The following PTPN2 variants were observed in gnomAD, a reference collection of about 807,000 sequenced individuals.
The protein encoded by PTPN2 is protein tyrosine phosphatase non-receptor type 2.
In PTPN2, 19 loss-of-function variants were observed where a neutral mutation model predicts 57.3. The observed-to-expected ratio is 0.33, with a 90% CI of 0.23 to 0.49. The LOEUF (loss-of-function observed/expected upper bound fraction) is 0.49, where lower values mean the gene tolerates loss of function less well. PTPN2 is among the 20% of genes least tolerant of loss of function. The pLI is 0.99. For synonymous variants in PTPN2, 153 were observed against 164.9 expected (o/e 0.93, Z 0.55); for missense variants, 358 against 501.1 (o/e 0.71, Z 2.73).
chr18:12,852,329 A>G (rs548261489), intron 2 of PTPN2, among the ~76,000 whole-genome samples: 10 of 152,244 alleles, frequency 6.6e-5, no homozygotes, highest in African/African-American at 2.2e-4. Flanking sequence ...CTGTACTGCA[A>G]ATAGGAAGAT....
intron 1 of PTPN2, among the ~76,000 whole-genome samples, chr18:12,873,570 G>A (rs1476545719): frequency 3.9e-5 from 6 of 152,200 alleles, no homozygotes; most frequent in African/African-American, 7.2e-5. Flanking sequence ...GATTGCAGAC[G>A]GTGTCTGGTT....
At chr18:12,865,438 TA>T (rs376422275) in intron 1 of PTPN2, among the ~76,000 whole-genome samples, 10,347 of 129,282 alleles carry the variant, frequency 0.08, 1,106 homozygotes, top group African/African-American at 0.26. Flanking sequence ...CTGTCTTTAT[TA>T]AAAAAAAAAA....
chr18:12,859,052 G>GA, intron 2 of PTPN2, 112 bp downstream of exon 2: 2 of 663,426 alleles, frequency 3.0e-6, no homozygotes, highest in Middle Eastern at 2.5e-4. Context: ...ACGTAAATAG[G>GA]AAAAAAATTA....
chr18:12,858,550 A>G (rs1344991023), intron 2 of PTPN2, among the ~76,000 whole-genome samples: 1 of 33,884 alleles, frequency 3.0e-5, no homozygotes, highest in East Asian at 7.9e-4. Flanking sequence ...AGCAATTAAA[A>G]ATTGTTTATA....
chr18:12,872,195 G>A (rs2044291291), intron 1 of PTPN2: 1 of 152,164 alleles, frequency 6.6e-6, no homozygotes, highest in Non-Finnish European at 1.5e-5. Context: ...TGGGACTAGA[G>A]GGGTACAAAC....
intron 1 of PTPN2, 86 bp from the exon 2 acceptor site, chr18:12,859,340 A>C: frequency 1.1e-6 from 1 of 897,726 alleles, no homozygotes; most frequent in Non-Finnish European, 1.7e-6. Context: ...AAATAACATG[A>C]AGCACTTATG....
chr18:12,791,742 T>C (rs1363014030), downstream of PTPN2, among the ~76,000 whole-genome samples: 1 of 152,064 alleles, frequency 6.6e-6, no homozygotes, highest in African/African-American at 2.4e-5. Context: ...TCACACTGAA[T>C]GTGGTTTTAA....
At chr18:12,869,324 A>T (rs1432766032) in intron 1 of PTPN2, among the ~76,000 whole-genome samples, 1 of 152,162 alleles carries the variant, frequency 6.6e-6, no homozygotes, top group Non-Finnish European at 1.5e-5. Context: ...CTGCAGGCAC[A>T]CCACCATGCC....
chr18:12,824,832 C>T (rs641499), intron 5 of PTPN2, among the ~76,000 whole-genome samples: 145,911 of 152,226 alleles, frequency 0.96, 70,245 homozygotes, highest in East Asian at 1. Flanking sequence ...ATGACTGTAA[C>T]CTCAACACTT....
At chr18:12,837,405 T>C (rs1467952021) in intron 2 of PTPN2, among the ~76,000 whole-genome samples, 2 of 152,198 alleles carry the variant, frequency 1.3e-5, no homozygotes, top group Non-Finnish European at 2.9e-5. Flanking sequence ...TTAAAGACAG[T>C]TGGAATATTC....
chr18:12,815,540 G>A (rs1412940971), intron 6 of PTPN2, among the ~76,000 whole-genome samples: 1 of 152,130 alleles, frequency 6.6e-6, no homozygotes, highest in Non-Finnish European at 1.5e-5. Flanking sequence ...CTGACCTAGT[G>A]TTAGAATCCC....
chr18:12,840,328 G>T lies in PTPN2; in HGVS notation c.161-3437C>A, dbSNP rs186298462. On this transcript the variant is annotated intron_variant, in intron 2 of 8. Transcript: ENST00000309660. ...TATTATGCATTCTCTCTCATAAATC[G>T]AGCAATGAACCAAAAACAAAGCTGG... 6.8e-4 allele frequency among the ~76,000 whole-genome samples: 104 copies of T among 152,228 alleles called. 2 individuals are homozygous for T. Among genetic ancestry groups the T allele is most frequent in the Admixed American group, 6.8e-3 (104 of 15,284 alleles).
At chr18:12,799,013 A>C (rs572180595) in intron 8 of PTPN2, among the ~76,000 whole-genome samples, 8 of 152,304 alleles carry the variant, frequency 5.3e-5, no homozygotes, top group Non-Finnish European at 1.2e-4. Context: ...AAACTTCACG[A>C]CTATGTGATT....
intron 1 of PTPN2, among the ~76,000 whole-genome samples, chr18:12,872,946 C>A (rs576634532): frequency 7.2e-5 from 11 of 152,146 alleles, no homozygotes; most frequent in Non-Finnish European, 1.3e-4. Flanking sequence ...ACAGGCTGGA[C>A]GCGGTGGCTC....
rs2041574097 is a variant in PTPN2 at position 12,804,634 on chromosome 18, G to A, written c.859-2483C>T. The stretch of plus-strand genomic sequence containing the variant: ...GTATGCCAACAAATTGAAAAGCCTA[G>A]AGGAAATGGCTAAATTCTTAGACAC... On this transcript the variant is annotated intron_variant, in intron 7 of 8. Coordinates refer to ENST00000309660, the MANE Select transcript of PTPN2 (RefSeq NM_002828.4). Among the ~76,000 whole-genome samples the A allele has an allele frequency of 4.6e-5, 7 of 152,184 alleles. No homozygotes were observed. In the South Asian group the frequency reaches 1.0e-3, roughly 23 times the overall value.
At chr18:12,785,840 T>C (rs1184522700) in exon 10 of PTPN2, 1 of 1,609,458 alleles carries the variant, frequency 6.2e-7, no homozygotes, top group Non-Finnish European at 8.5e-7. Context: ...TCTGTCAATC[T>C]TGGCCTAAAA....
At chr18:12,827,343 A>C (rs895840016) in intron 4 of PTPN2, among the ~76,000 whole-genome samples, 3 of 95,294 alleles carry the variant, frequency 3.1e-5, no homozygotes, top group African/African-American at 7.8e-5. Flanking sequence ...ACTCCGTCTC[A>C]AAAAAAAAAA....
At chr18:12,882,340 T>TC (rs2145554384) in intron 1 of PTPN2, among the ~76,000 whole-genome samples, 1 of 152,346 alleles carries the variant, frequency 6.6e-6, no homozygotes, top group Admixed American at 6.5e-5. Flanking sequence ...TAGAAGGATT[T>TC]CCTTATCTTT....
At chr18:12,787,821 C>T (rs1472621810), downstream of PTPN2, 2 of 152,906 alleles carry the variant, frequency 1.3e-5, no homozygotes, top group African/African-American at 4.8e-5. Context: ...ATGAAACAAA[C>T]GTGGTGCTTT....
Sources: allele counts gnomAD v4.1 joint callset (sites outside exome capture counted in the v4.1 genomes callset), GRCh38; gene constraint gnomAD v4.1.1; transcripts MANE v1.5; gene names NCBI Gene and HGNC (gene_info 2026-07-23, HGNC 2026-07-21).